Variants in KIAA1328 observed in about 807,000 individuals in gnomAD.
KIAA1328 encodes the protein KIAA1328.
KIAA1328 carries 52 observed loss-of-function variants against 68.1 expected under a neutral mutation model. The observed-to-expected ratio is 0.76, with a 90% CI of 0.61 to 0.96. The LOEUF (loss-of-function observed/expected upper bound fraction) is 0.96, where lower values mean the gene tolerates loss of function less well. Ranked by LOEUF, KIAA1328 falls within the 40% of genes least tolerant of loss-of-function variation. The pLI, the probability that KIAA1328 is intolerant of heterozygous loss-of-function variation, is 0.00. For synonymous variants in KIAA1328, 232 were observed against 239.4 expected (o/e 0.97, Z 0.28); for missense variants, 641 against 677.6 (o/e 0.95, Z 0.60).
chr18:37,026,597 G>T (rs538638711), intron 6 of KIAA1328, among the ~76,000 whole-genome samples: 1 of 152,040 alleles, frequency 6.6e-6, no homozygotes, highest in African/African-American at 2.4e-5. Flanking sequence ...GTAATCCATT[G>T]TATAAATAGA....
chr18:37,031,580 A>T (rs1015943235), intron 6 of KIAA1328, among the ~76,000 whole-genome samples: 10 of 152,102 alleles, frequency 6.6e-5, no homozygotes, highest in Non-Finnish European at 1.0e-4. Context: ...GGGCTTTCAT[A>T]GATAGTGCAT....
intron 5 of KIAA1328, among the ~76,000 whole-genome samples, chr18:36,938,506 T>C (rs2050587472): frequency 6.6e-6 from 1 of 152,194 alleles, no homozygotes; most frequent in African/African-American, 2.4e-5. Flanking sequence ...TTGCCTCTTA[T>C]CAGATGTATG....
chr18:36,842,674 ATT>A (rs112634490), intron 3 of KIAA1328, among the ~76,000 whole-genome samples: 4 of 142,466 alleles, frequency 2.8e-5, no homozygotes, highest in African/African-American at 2.6e-5. Context: ...CTAATTATTT[ATT>A]TTTTTTTTTT....
At chr18:37,021,353 A>G (rs1003484892) in intron 6 of KIAA1328, among the ~76,000 whole-genome samples, 1 of 152,230 alleles carries the variant, frequency 6.6e-6, no homozygotes, top group Non-Finnish European at 1.5e-5. Context: ...TATTAATAGA[A>G]CACATTATTC....
intron 7 of KIAA1328, chr18:37,084,143 G>C (rs2057029500): frequency 6.6e-7 from 1 of 1,507,464 alleles, no homozygotes; most frequent in African/African-American, 1.4e-5. Flanking sequence ...CTCAGGCTCT[G>C]TTTAAGTCGA....
chr18:36,870,332 T>C (rs1406737894), intron 4 of KIAA1328, among the ~76,000 whole-genome samples: 1 of 152,224 alleles, frequency 6.6e-6, no homozygotes, highest in African/African-American at 2.4e-5. Context: ...TAATCTAAGA[T>C]ACTGGTATAC....
intron 6 of KIAA1328, among the ~76,000 whole-genome samples, chr18:36,979,217 G>C (rs914678709): frequency 6.8e-6 from 1 of 147,396 alleles, no homozygotes. Context: ...AAGAAAGAAG[G>C]TTATATGAAT....
intron 7 of KIAA1328, among the ~76,000 whole-genome samples, chr18:37,133,525 A>ATTT (rs530477761): frequency 4.5e-4 from 60 of 134,616 alleles, no homozygotes; most frequent in African/African-American, 1.3e-3. Context: ...CTATATAGTA[A>ATTT]TTTTTTTTTT....
At chr18:36,901,114 C>G (rs2049022565) in intron 5 of KIAA1328, among the ~76,000 whole-genome samples, 2 of 151,902 alleles carry the variant, frequency 1.3e-5, no homozygotes, top group African/African-American at 4.8e-5. Flanking sequence ...AAATGTTGAT[C>G]TTGAGATGCG....
chr18:37,229,692 G>A (rs559158629), downstream of KIAA1328: 66 of 417,234 alleles, frequency 1.6e-4, no homozygotes, highest in Admixed American at 2.5e-3. Flanking sequence ...GGCTAACACG[G>A]TGAAACCCCA....
intron 6 of KIAA1328, among the ~76,000 whole-genome samples, chr18:37,043,311 T>A (rs1406929371): frequency 1.3e-5 from 2 of 152,220 alleles, no homozygotes; most frequent in African/African-American, 2.4e-5. Context: ...CTTTTCTGTT[T>A]CTTTGCACTT....
At chr18:37,197,264 A>T (rs529460867) in intron 9 of KIAA1328, among the ~76,000 whole-genome samples, 1 of 152,014 alleles carries the variant, frequency 6.6e-6, no homozygotes. Context: ...CTTTTTTAAA[A>T]ACCTACTTTT....
At chr18:36,866,309 T>C (rs2047750011) in intron 4 of KIAA1328, among the ~76,000 whole-genome samples, 1 of 152,228 alleles carries the variant, frequency 6.6e-6, no homozygotes, top group Non-Finnish European at 1.5e-5. Flanking sequence ...CACCCCGATA[T>C]GTGGATGCCC....
intron 9 of KIAA1328, among the ~76,000 whole-genome samples, chr18:37,207,839 T>G (rs1160486545): frequency 6.6e-6 from 1 of 152,220 alleles, no homozygotes; most frequent in Non-Finnish European, 1.5e-5. Context: ...GAGATGGAGT[T>G]TCGCTCATTG....
At chr18:36,929,346 C>T (rs529367727) in intron 5 of KIAA1328, among the ~76,000 whole-genome samples, 44 of 152,248 alleles carry the variant, frequency 2.9e-4, no homozygotes, top group African/African-American at 9.6e-4. Flanking sequence ...GAAATGGGCA[C>T]CTCTCTTCTA....
At chr18:37,112,496 C>G (rs956408714) in intron 7 of KIAA1328, among the ~76,000 whole-genome samples, 2 of 152,174 alleles carry the variant, frequency 1.3e-5, no homozygotes, top group Admixed American at 6.5e-5. Context: ...AAAACCCCAT[C>G]TGTACATCAC....
chr18:37,090,007 C>A (rs898125697), intron 7 of KIAA1328, among the ~76,000 whole-genome samples: 3 of 152,098 alleles, frequency 2.0e-5, no homozygotes, highest in African/African-American at 7.2e-5. Flanking sequence ...GTCATTAAGG[C>A]CTCACTTATT....
At chr18:37,161,955 C>T (rs1446038983) in intron 8 of KIAA1328, among the ~76,000 whole-genome samples, 1 of 152,174 alleles carries the variant, frequency 6.6e-6, no homozygotes, top group African/African-American at 2.4e-5. Context: ...CTGGGCCTAG[C>T]TACAGAAGCC....
intron 5 of KIAA1328, among the ~76,000 whole-genome samples, chr18:36,958,917 G>A (rs1008938591): frequency 3.3e-5 from 5 of 151,614 alleles, no homozygotes; most frequent in Admixed American, 3.3e-4. Flanking sequence ...TCACAAAGAT[G>A]TACTTTTATA....
Sources: allele counts gnomAD v4.1 joint callset (sites outside exome capture counted in the v4.1 genomes callset), GRCh38; gene constraint gnomAD v4.1.1; transcripts MANE v1.5; gene names NCBI Gene and HGNC (gene_info 2026-07-23, HGNC 2026-07-21).